The following SLC12A4 variants were observed in gnomAD, a reference collection of about 807,000 sequenced individuals.
SLC12A4 encodes solute carrier family 12 member 4.
In SLC12A4, 84 loss-of-function variants were observed where a neutral mutation model predicts 119.2. That is an observed-to-expected ratio of 0.70 (90% confidence interval 0.59 to 0.85). The LOEUF is 0.85. Among genes scored for constraint, SLC12A4 ranks in the 40% least tolerant of loss-of-function variants. SLC12A4 has a pLI of 0.00. For synonymous variants in SLC12A4, 599 were observed against 604.6 expected (o/e 0.99, Z 0.14); for missense variants, 1,298 against 1,476.3 (o/e 0.88, Z 1.98).
intron 1 of SLC12A4, chr16:67,964,082 G>T (rs1265660549): frequency 6.5e-7 from 1 of 1,534,116 alleles, no homozygotes; most frequent in East Asian, 2.5e-5. Flanking sequence ...GGGGCGTCCT[G>T]CAGGGCAGCC....
rs199952541 is a variant in SLC12A4, at chr16:67,947,406, C to T, written c.1997G>A (p.Arg666Gln). ...GCGGGCAGCGCTCAGGGACAGGCCT[C>T]GGATCCCGTCACCCCACTCCTTCTC... ...GAEKEWGDGI[R>Q]GLSLSAARYA... The change falls in exon 16 of 24, where the codon CGA becomes CAA. Residue 666 changes from arginine (R) to glutamine (Q), a missense_variant. Physicochemically the swap from Arg to Gln is conservative, Grantham distance 43. Transcript: ENST00000316341. 11 of 1,612,692 alleles carry T rather than the reference C, an allele frequency of 6.8e-6. No homozygotes were observed. The highest frequency in any genetic ancestry group is 6.7e-5 in the East Asian group (3 of 44,844).
In SLC12A4 at chr16:67,951,090, G is replaced by A. The variant is rs762134071; in HGVS notation, c.1298-30C>T. The stretch of plus-strand genomic sequence containing the variant: ...AAAAACAGATGAGACTCCCTCAGGG[G>A]CTCCCCGGGATTGGGGACAGGGCTG... On this transcript the variant is annotated intron_variant, in intron 9 of 23. Transcript: ENST00000316341. The surrounding 1 kb of genome is among the most constrained non-coding windows in gnomAD (Gnocchi z 5.2). 1.9e-6 allele frequency: 3 copies of A among 1,613,712 alleles called. No homozygotes were observed. The South Asian group carries it at 3.3e-5, about 18-fold the overall frequency.
At chr16:67,957,844 TG>T (rs765274840) in intron 4 of SLC12A4, 48 bp from the exon 5 acceptor site, 45 of 1,613,860 alleles carry the variant, frequency 2.8e-5, no homozygotes, top group Admixed American at 5.0e-5. Context: ...GTGGGCTCTG[TG>T]GGGGCAGCCG....
intron 13 of SLC12A4, 42 bp from the exon 14 acceptor site, chr16:67,948,201 C>T: frequency 6.3e-7 from 1 of 1,587,580 alleles, no homozygotes; most frequent in South Asian, 1.1e-5. Flanking sequence ...GCCTCCTCGG[C>T]AGCTGGGGAC....
intron 1 of SLC12A4, chr16:67,963,984 C>T (rs751163270): frequency 6.4e-7 from 1 of 1,551,300 alleles, no homozygotes; most frequent in South Asian, 1.2e-5. Flanking sequence ...CCAGGCAGTG[C>T]CCTCCAGATA....
rs2058405557 is a variant in SLC12A4 at position 67,950,773 on chromosome 16, T to G, written c.1397-62A>C. ...CCCACTGTCCCTGAATAGTACCACG[T>G]GCCCCCACCCCAGCCAGACTACCAG... On this transcript the variant is annotated intron_variant, in intron 10 of 23. Coordinates refer to ENST00000316341, the MANE Select transcript of SLC12A4 (RefSeq NM_005072.5). This position sits in a 1 kb window ranked among gnomAD's most constrained non-coding sequence, Gnocchi z 4.3. 1.3e-6 allele frequency: 2 copies of G among 1,562,274 alleles called. No homozygotes were observed. The highest frequency in any genetic ancestry group is 1.7e-6 in the Non-Finnish European group (2 of 1,151,060).
intron 3 of SLC12A4, among the ~76,000 whole-genome samples, chr16:67,959,106 G>C (rs1158475656): frequency 6.6e-6 from 1 of 152,208 alleles, no homozygotes; most frequent in African/African-American, 2.4e-5. Flanking sequence ...AAATCCTACA[G>C]AGAAAGTGCT....
chr16:67,965,141 C>T (rs1235863926), intron 1 of SLC12A4, among the ~76,000 whole-genome samples: 1 of 152,158 alleles, frequency 6.6e-6, no homozygotes, highest in Admixed American at 6.5e-5. Context: ...TAAAGCCAGG[C>T]GGGGTCATGT....
intron 1 of SLC12A4, among the ~76,000 whole-genome samples, chr16:67,967,992 A>AG (rs2030936223): frequency 6.6e-6 from 1 of 152,084 alleles, no homozygotes; most frequent in African/African-American, 2.4e-5. Context: ...AGGCACACGG[A>AG]GGGGTTTGGG....
intron 17 of SLC12A4, 128 bp downstream of exon 17, chr16:67,946,809 G>T: frequency 1.6e-6 from 2 of 1,269,528 alleles, no homozygotes; most frequent in South Asian, 1.4e-5. Context: ...CCTTGTGCCA[G>T]CTCTCAGGTG....
intron 6 of SLC12A4, chr16:67,954,094 A>G: frequency 2.6e-6 from 1 of 377,396 alleles, no homozygotes; most frequent in South Asian, 1.8e-5. Flanking sequence ...TGCCTCCCGC[A>G]GCTCCTTGCC....
Position 67,954,632 on chromosome 16 carries a change from G to A in SLC12A4, c.675+11C>T. On this transcript the variant is annotated intron_variant, in intron 6 of 23. Coordinates refer to ENST00000316341, the MANE Select transcript of SLC12A4 (RefSeq NM_005072.5). ...CATGGCCAGAGTTGGCCAGGGCTCA[G>A]CCTGACTCACCAGCAAGATCTCGAT... The A allele has an allele frequency of 6.2e-7, 1 of 1,614,112 alleles. No individual in the cohort carries two copies. The highest frequency in any genetic ancestry group is 8.5e-7 in the Non-Finnish European group (1 of 1,179,974).
intron 13 of SLC12A4, among the ~76,000 whole-genome samples, chr16:67,948,973 C>A (rs1257433007): frequency 6.6e-6 from 1 of 152,132 alleles, no homozygotes; most frequent in African/African-American, 2.4e-5. Context: ...CTTTCATAAC[C>A]GCACAAGCAA....
chr16:67,957,431 A>C, intron 5 of SLC12A4: 1 of 290,836 alleles, frequency 3.4e-6, no homozygotes, highest in Non-Finnish European at 6.6e-6. Context: ...GGCCTCCCAA[A>C]GTGCTGGGAT....
At position 67,950,801 on chromosome 16, in the gene SLC12A4, C is replaced by A; in HGVS notation, c.1397-90G>T. The A allele has an allele frequency of 3.3e-6, 5 of 1,509,868 alleles. No individual in the cohort carries two copies. The highest frequency in any genetic ancestry group is 3.6e-6 in the Non-Finnish European group (4 of 1,105,292). The allele number at this position is 1,509,868 out of a possible 1,614,324, so 93.5% of individuals were successfully genotyped here. On this transcript the variant is annotated intron_variant, in intron 10 of 23. Transcript: ENST00000316341. The surrounding 1 kb of genome is among the most constrained non-coding windows in gnomAD (Gnocchi z 4.3). ...CCCCACCCCAGCCAGACTACCAGGA[C>A]ACCTACAGCTGGGAGTCTCGTGGTG...
rs745369720 is a variant in SLC12A4 at position 67,954,673 on chromosome 16, C to T, written c.645G>A (p.Met215Ile). Residue 215 changes from methionine to isoleucine, a missense_variant, in exon 6 of 24, where the codon ATG (methionine) becomes ATA (isoleucine). Met to Ile is a conservative substitution (Grantham distance 10, BLOSUM62 1). Transcript: ENST00000316341. ...FYLGTTFAAA[M>I]YILGAIEILL... ...AGATCTCGATGGCCCCCAGGATGTA[C>T]ATGGCTGCTGCGAATGTTGTTCCCA... 5 of 1,614,216 alleles carry T rather than the reference C, an allele frequency of 3.1e-6. No homozygotes were observed. The Admixed American group carries it at 6.7e-5, about 22-fold the overall frequency.
chr16:67,947,463 C>T (rs2053283338), intron 15 of SLC12A4, 28 bp from the exon 16 acceptor site: 1 of 1,603,760 alleles, frequency 6.2e-7, no homozygotes, highest in African/African-American at 1.3e-5. Flanking sequence ...GCTGGTGAGC[C>T]CCTGGTGCCG....
At chr16:67,968,663 G>A, upstream of SLC12A4, 3 of 1,284,096 alleles carry the variant, frequency 2.3e-6, no homozygotes, top group Non-Finnish European at 2.9e-6. Context: ...ATTCCTCCCC[G>A]CTGCGCTCAC....
intron 5 of SLC12A4, 125 bp from the exon 6 acceptor site, chr16:67,954,898 G>C: frequency 8.6e-7 from 1 of 1,162,228 alleles, no homozygotes. Flanking sequence ...TGGATGAGTA[G>C]AGGGGCTGGG....
Sources: gnomAD v4.1 joint callset for allele counts (sites outside exome capture counted in the v4.1 genomes callset) on GRCh38, gnomAD v4.1.1 for gene constraint, Gnocchi (gnomAD v3.1) non-coding constraint, MANE v1.5 for transcripts, NCBI Gene and HGNC (gene_info 2026-07-23, HGNC 2026-07-21) for gene names.